DAB1: variants seen among roughly 807,000 people sequenced by gnomAD.
DAB1 encodes the protein disabled homolog 1.
Under a neutral mutation model 64.6 loss-of-function variants are expected in DAB1, and 15 were observed. The ratio of observed to expected loss-of-function variants is 0.23; its 90% CI spans 0.16 to 0.36. The LOEUF (loss-of-function observed/expected upper bound fraction) is 0.36. Ranked by LOEUF, DAB1 falls within the 10% of genes least tolerant of loss-of-function variation. The pLI is 1.00. For synonymous variants in DAB1, 235 were observed against 251.9 expected (o/e 0.93, Z 0.64); for missense variants, 596 against 706.7 (o/e 0.84, Z 1.78).
chr1:57,027,920 G>T (rs1349894413), intron 9 of DAB1, among the ~76,000 whole-genome samples: 1 of 152,176 alleles, frequency 6.6e-6, no homozygotes, highest in African/African-American at 2.4e-5. Flanking sequence ...ACTGTGCTAT[G>T]TGCTGGGAAC....
chr1:58,350,184 T>G (rs1569671165), intron 3 of DAB1, among the ~76,000 whole-genome samples: 1 of 152,256 alleles, frequency 6.6e-6, no homozygotes, highest in African/African-American at 2.4e-5. Flanking sequence ...ATTGTGGTTT[T>G]GATTTGCATT....
At chr1:57,105,089 G>A (rs1025126112) in intron 4 of DAB1, among the ~76,000 whole-genome samples, 2 of 152,066 alleles carry the variant, frequency 1.3e-5, no homozygotes, top group Non-Finnish European at 2.9e-5. Context: ...GGTAGGAGAC[G>A]CCAGCAGGTA....
intron 1 of DAB1, among the ~76,000 whole-genome samples, chr1:57,834,197 T>A (rs1652709060): frequency 6.6e-6 from 1 of 152,130 alleles, no homozygotes. Context: ...CACAGTTTTG[T>A]CCGCAACACC....
At chr1:58,017,408 C>T (rs1646756590) in intron 5 of DAB1, among the ~76,000 whole-genome samples, 1 of 152,150 alleles carries the variant, frequency 6.6e-6, no homozygotes, top group Admixed American at 6.5e-5. Context: ...AGGATGTAGG[C>T]AGTGGGGGTC....
rs192209200 is a variant in DAB1 at position 57,211,705 on chromosome 1, C to T, written c.68-66276G>A. On this transcript the variant is annotated intron_variant, in intron 2 of 14. Transcript: ENST00000371236. ...GTGTACAGTCAGCCCTCTGTAATCA[C>T]AGGTACCACATCTGAGGATTCAACC... Among the ~76,000 whole-genome samples the T allele has an allele frequency of 4.6e-5, 7 of 152,310 alleles. No individual in the cohort carries two copies. In the East Asian group the frequency reaches 1.3e-3, roughly 29 times the overall value.
chr1:57,330,712 G>A (rs149225688), intron 1 of DAB1, among the ~76,000 whole-genome samples: 45 of 152,190 alleles, frequency 3.0e-4, no homozygotes, highest in African/African-American at 8.4e-4. Flanking sequence ...GGTGCCCCAC[G>A]CAGTGCCTGG....
At chr1:57,769,782 G>A (rs944914441) in intron 6 of DAB1, among the ~76,000 whole-genome samples, 4 of 152,172 alleles carry the variant, frequency 2.6e-5, no homozygotes, top group African/African-American at 9.6e-5. Flanking sequence ...GTTTTGGGGT[G>A]TTTTAGAACG....
intron 2 of DAB1, among the ~76,000 whole-genome samples, chr1:57,199,031 AAAACCT>A (rs1664878958): frequency 6.6e-6 from 1 of 152,274 alleles, no homozygotes; most frequent in Admixed American, 6.5e-5. Context: ...TTTTAAAGAA[AAAACCT>A]CTGGGAACTG....
At chr1:57,494,858 T>C (rs1180193339) in intron 7 of DAB1, among the ~76,000 whole-genome samples, 1 of 152,208 alleles carries the variant, frequency 6.6e-6, no homozygotes, top group Non-Finnish European at 1.5e-5. Context: ...TAGGTCATTC[T>C]GTACCTTGCT....
chr1:57,113,567 G>A (rs1190069557), intron 4 of DAB1, among the ~76,000 whole-genome samples: 3 of 152,196 alleles, frequency 2.0e-5, no homozygotes, highest in African/African-American at 7.2e-5. Context: ...GTAAACAGAT[G>A]AGTGTGATTG....
chr1:57,772,460 A>T (rs72664658), intron 6 of DAB1, among the ~76,000 whole-genome samples: 1 of 152,154 alleles, frequency 6.6e-6, no homozygotes, highest in Non-Finnish European at 1.5e-5. Context: ...GATTTTGGTT[A>T]TTGTGAATAA....
chr1:57,957,201 T>C (rs1645412668), intron 5 of DAB1, among the ~76,000 whole-genome samples: 1 of 152,096 alleles, frequency 6.6e-6, no homozygotes, highest in South Asian at 2.1e-4. Flanking sequence ...GCTAATGCAA[T>C]AATTTAGGCA....
chr1:58,281,983 TTCC>T (rs751676899), intron 4 of DAB1, among the ~76,000 whole-genome samples: 4 of 152,000 alleles, frequency 2.6e-5, no homozygotes, highest in South Asian at 2.1e-4. Context: ...TCATCACATC[TTCC>T]TCCTCCTCAT....
intron 4 of DAB1, among the ~76,000 whole-genome samples, chr1:58,259,386 C>T (rs1661001957): frequency 6.6e-6 from 1 of 152,190 alleles, no homozygotes; most frequent in Admixed American, 6.5e-5. Flanking sequence ...TGGTATCTTA[C>T]CCATTGTTCA....
chr1:57,886,542 T>C (rs1644225141), upstream of DAB1, among the ~76,000 whole-genome samples: 1 of 152,192 alleles, frequency 6.6e-6, no homozygotes. Context: ...TCTAAGCCCT[T>C]CGTATACTTC....
chr1:57,871,017 T>C (rs1643939566), intron 1 of DAB1, among the ~76,000 whole-genome samples: 1 of 152,162 alleles, frequency 6.6e-6, no homozygotes, highest in Non-Finnish European at 1.5e-5. Context: ...TGACAATAGC[T>C]TTAACAGATA....
chr1:57,534,885 G>A (rs770391738), intron 7 of DAB1, among the ~76,000 whole-genome samples: 2 of 152,146 alleles, frequency 1.3e-5, no homozygotes, highest in Non-Finnish European at 2.9e-5. Flanking sequence ...TCCTCACTGT[G>A]CTGCAAAATC....
chr1:57,718,384 G>A (rs909535039), intron 6 of DAB1, among the ~76,000 whole-genome samples: 7 of 152,138 alleles, frequency 4.6e-5, no homozygotes, highest in African/African-American at 1.4e-4. Flanking sequence ...ATGATGTGAT[G>A]CTGAACGGGG....
chr1:58,358,032 C>T (rs1413484492), intron 3 of DAB1, among the ~76,000 whole-genome samples: 1 of 152,186 alleles, frequency 6.6e-6, no homozygotes, highest in South Asian at 2.1e-4. Flanking sequence ...ATTTCCCACT[C>T]CCTGCTGCTA....
Sources: gnomAD v4.1 joint callset for allele counts (sites outside exome capture counted in the v4.1 genomes callset) on GRCh38, gnomAD v4.1.1 for gene constraint, MANE v1.5 for transcripts, NCBI Gene and HGNC (gene_info 2026-07-23, HGNC 2026-07-21) for gene names.